The following NUGGC variants were observed in gnomAD, a reference collection of about 807,000 sequenced individuals.
NUGGC encodes the protein nuclear GTPase SLIP-GC.
NUGGC carries 58 observed loss-of-function variants against 92.6 expected under a neutral mutation model. The ratio of observed to expected loss-of-function variants is 0.63; its 90% confidence interval spans 0.51 to 0.78. NUGGC has a LOEUF of 0.78. NUGGC is among the 30% of genes least tolerant of loss of function. NUGGC has a pLI of 0.00. For missense variants in NUGGC, 925 were observed against 964.6 expected (o/e 0.96, Z 0.54); for synonymous variants, 376 against 366.4 (o/e 1.03, Z -0.30).
chr8:28,023,466 C>T lies in NUGGC; in HGVS notation c.2246-4G>A, dbSNP rs778626833. The T allele has an allele frequency of 5.0e-6, 8 of 1,611,076 alleles. No individual in the cohort carries two copies. The highest frequency in any genetic ancestry group is 1.3e-5 in the African/African-American group (1 of 74,824). On this transcript the variant is annotated splice_region_variant and splice_polypyrimidine_tract_variant and intron_variant, in intron 18 of 18. Transcript: ENST00000413272. The stretch of plus-strand genomic sequence containing the variant: ...TCCTTGTATTCACTCCCGACATCTA[C>T]AGGAGAGCAGAAAGCTCACATCAGG...
At position 28,078,927 on chromosome 8, in the gene NUGGC, G is replaced by A. The variant is rs138619964; in HGVS notation, c.-46-4471C>T. Among the ~76,000 whole-genome samples the A allele has an allele frequency of 8.8e-3, 1,345 of 152,322 alleles. 16 individuals carry two copies. The highest frequency in any genetic ancestry group is 0.068 in the Middle Eastern group (20 of 294). ...TGCTCAGATAAGCAAGGTTCTGCCT[G>A]TGTGGTTTATTTTGCTTGTATTTCA... On this transcript the variant is annotated intron_variant, in intron 1 of 18. Coordinates refer to ENST00000413272, the MANE Select transcript of NUGGC (RefSeq NM_001010906.2).
At chr8:28,060,678 C>A in intron 7 of NUGGC, 77 bp from the exon 8 acceptor site, 2 of 1,334,942 alleles carry the variant, frequency 1.5e-6, no homozygotes, top group Non-Finnish European at 2.1e-6. Context: ...CTAATGTATC[C>A]CTTAAGCCTC....
chr8:28,065,552 G>A (rs1487216405), intron 6 of NUGGC, among the ~76,000 whole-genome samples: 2 of 152,162 alleles, frequency 1.3e-5, no homozygotes, highest in East Asian at 3.8e-4. Context: ...TTTAATGATG[G>A]TGGGTGAGAG....
chr8:28,045,311 C>A (rs1448651071), intron 12 of NUGGC, among the ~76,000 whole-genome samples: 1 of 152,192 alleles, frequency 6.6e-6, no homozygotes, highest in Admixed American at 6.6e-5. Flanking sequence ...TTTCTCTCAG[C>A]CCATCTGTCC....
intron 1 of NUGGC, among the ~76,000 whole-genome samples, chr8:28,080,950 C>A (rs1810834709): frequency 6.6e-6 from 1 of 152,082 alleles, no homozygotes; most frequent in African/African-American, 2.4e-5. Context: ...CAACACAGAG[C>A]AAATCACCTG....
chr8:28,030,392 C>T lies in NUGGC; in HGVS notation c.1935G>A (p.Glu645=), dbSNP rs1809385713. The change falls in exon 16 of 19, where the codon GAG becomes GAA. Residue 645 remains glutamate, a synonymous_variant. Coordinates refer to ENST00000413272, the MANE Select transcript of NUGGC (RefSeq NM_001010906.2). ...QEISAILGGL[E]DHILRRKRRI... The stretch of plus-strand genomic sequence containing the variant: ...TCCTCTTCCTTCTGAGGATGTGGTC[C>T]TCCAGGCCCCCGAGGATGGCACTTA... 1.9e-6 allele frequency: 3 copies of T among 1,576,112 alleles called. No homozygotes were observed. The East Asian group carries it at 6.9e-5, about 36-fold the overall frequency.
chr8:28,037,133 C>T lies in NUGGC; in HGVS notation c.1612-3436G>A, dbSNP rs1025529246. 7.9e-5 allele frequency among the ~76,000 whole-genome samples: 12 copies of T among 152,214 alleles called. 1 individual carries two copies. The highest frequency in any genetic ancestry group is 7.9e-4 in the Admixed American group (12 of 15,286). ...CAGCTACCCGCCACTCGCTCACCAA[C>T]TCCCCTCAGACCTCAGTTAGACCCT... On this transcript the variant is annotated intron_variant, in intron 13 of 18. Coordinates refer to ENST00000413272, the MANE Select transcript of NUGGC (RefSeq NM_001010906.2).
Position 28,068,418 on chromosome 8 carries a change from A to G in NUGGC, c.278T>C (p.Ile93Thr), listed in dbSNP as rs745359784. Residue 93 changes from isoleucine to threonine, a missense_variant, in exon 5 of 19, where the codon ATT (isoleucine) becomes ACT (threonine). By Grantham distance (89) the Ile-to-Thr change is moderately conservative. Transcript: ENST00000413272. ...GATTGGGTCCACTGTCGGCTTTTCA[A>G]TCAAGGCAAGAAGCCTATTTCTGGA... The part of the protein sequence containing the change: ...KYLINRLLAL[I>T]EKPTVDPIYI... The G allele has an allele frequency of 5.9e-5, 93 of 1,572,288 alleles. No individual in the cohort carries two copies. Among genetic ancestry groups the G allele is most frequent in the Admixed American group, 2.2e-4 (12 of 54,268 alleles).
At chr8:28,025,430 T>C (rs1380020153) in intron 18 of NUGGC, among the ~76,000 whole-genome samples, 1 of 152,188 alleles carries the variant, frequency 6.6e-6, no homozygotes, top group Admixed American at 6.5e-5. Context: ...ATTCTTGAAG[T>C]TCAGAGACAG....
intron 1 of NUGGC, 145 bp from the exon 2 acceptor site, chr8:28,074,601 C>T (rs1810674438): frequency 1.6e-6 from 1 of 623,118 alleles, no homozygotes; most frequent in Non-Finnish European, 2.9e-6. Flanking sequence ...TAGTACACTA[C>T]TTGATGGAAA....
rs1585545401 is a variant in NUGGC at position 28,023,444 on chromosome 8, T to G, written c.2264A>C (p.Lys755Thr). Residue 755 changes from lysine (K) to threonine (T), a missense_variant, in exon 19 of 19, where the codon AAG (lysine) becomes ACG (threonine). By Grantham distance (78) the Lys-to-Thr change is moderately conservative (BLOSUM62 -1). Coordinates refer to ENST00000413272, the MANE Select transcript of NUGGC (RefSeq NM_001010906.2). ...KELADVGSEYKEMEKLHRSLR... is the reference protein window; with the variant it reads ...KELADVGSEYTEMEKLHRSLR... ...GCTTCTGTGCAGCTTCTCCATCTCC[T>G]TGTATTCACTCCCGACATCTACAGG... 6.2e-7 allele frequency: 1 copy of G among 1,613,768 alleles called. No individual in the cohort carries two copies. The highest frequency in any genetic ancestry group is 2.2e-5 in the East Asian group (1 of 44,872).
intron 2 of NUGGC, among the ~76,000 whole-genome samples, chr8:28,071,265 G>T (rs1049223493): frequency 1.3e-5 from 2 of 152,138 alleles, no homozygotes; most frequent in Non-Finnish European, 2.9e-5. Context: ...CTGAAGACGG[G>T]GTTAAGTGTG....
intron 15 of NUGGC, 36 bp from the exon 16 acceptor site, chr8:28,030,454 A>G (rs1485023024): frequency 8.8e-7 from 1 of 1,130,674 alleles, no homozygotes. Flanking sequence ...GTTGGTGACA[A>G]TTCCTTCAAT....
In NUGGC at chr8:28,045,597, G is replaced by C; in HGVS notation, c.1376C>G (p.Thr459Ser). 1.2e-6 allele frequency: 2 copies of C among 1,613,170 alleles called. No homozygotes were observed. The change falls in exon 12 of 19, where the codon ACC becomes AGC. Residue 459 changes from threonine to serine, a missense_variant. Physicochemically the swap from Thr to Ser is moderately conservative, Grantham distance 58 (BLOSUM62 1). Transcript: ENST00000413272. ...SLLDKKKRTV[T>S]KYVTEAFGLL... ...GCCAAAGGCTTCAGTCACATACTTG[G>C]TCACTGTCCTCTTCTTCTTGTCCAA...
At position 28,081,765 on chromosome 8, in the gene NUGGC, C is replaced by A. The variant is rs563546485; in HGVS notation, c.-47+2010G>T. On this transcript the variant is annotated intron_variant, in intron 1 of 18. Transcript: ENST00000413272. ...TTGTGGCACATGCCTGTAGTCCCAG[C>A]TACTCAGGAGGCTAAGGCAGAGGAA... is the stretch of plus-strand genomic sequence containing the variant. Among the ~76,000 whole-genome samples the A allele has an allele frequency of 1.6e-3, 237 of 152,062 alleles. 2 individuals are homozygous for A. Among genetic ancestry groups the A allele is most frequent in the African/African-American group, 5.4e-3 (225 of 41,460 alleles).
At chr8:28,063,816 C>A (rs1585591690) in intron 7 of NUGGC, among the ~76,000 whole-genome samples, 1 of 152,210 alleles carries the variant, frequency 6.6e-6, no homozygotes, top group East Asian at 1.9e-4. Flanking sequence ...TGCTGTGCTG[C>A]TCACAACTCA....
chr8:28,064,316 T>C (rs553400712), intron 7 of NUGGC, among the ~76,000 whole-genome samples: 4 of 152,296 alleles, frequency 2.6e-5, no homozygotes, highest in African/African-American at 4.8e-5. Context: ...CCAGCTCCAA[T>C]AGTCACATCC....
chr8:28,050,222 C>T (rs1809957331), intron 10 of NUGGC, among the ~76,000 whole-genome samples: 1 of 151,072 alleles, frequency 6.6e-6, no homozygotes, highest in African/African-American at 2.4e-5. Context: ...CCCGTCTCTA[C>T]TAAAAATACA....
At chr8:28,046,683 T>TTTA (rs1809844680) in intron 11 of NUGGC, among the ~76,000 whole-genome samples, 1 of 149,454 alleles carries the variant, frequency 6.7e-6, no homozygotes, top group Admixed American at 6.7e-5. Flanking sequence ...TAACCCAATT[T>TTTA]TTTTTTTTTT....
Sources: gnomAD v4.1 joint callset for allele counts (sites outside exome capture counted in the v4.1 genomes callset) on GRCh38, gnomAD v4.1.1 for gene constraint, MANE v1.5 for transcripts, NCBI Gene and HGNC (gene_info 2026-07-23, HGNC 2026-07-21) for gene names.